Variants in LAMC1 observed in about 807,000 individuals in gnomAD.
LAMC1 encodes the protein laminin subunit gamma-1.
Under a neutral mutation model 173.6 loss-of-function variants are expected in LAMC1, and 38 were observed. The observed-to-expected ratio is 0.22, with a 90% CI of 0.17 to 0.29. LAMC1 has a LOEUF of 0.29. Among genes scored for constraint, LAMC1 ranks in the 10% least tolerant of loss-of-function variants. LAMC1 has a pLI of 1.00. For synonymous variants in LAMC1, 746 were observed against 749.1 expected (o/e 1.00, Z 0.07); for missense variants, 1,824 against 2,051.8 (o/e 0.89, Z 2.14).
chr1:183,124,564 A>G lies in LAMC1; in HGVS notation c.2402-67A>G, dbSNP rs1239422978. 5.7e-6 allele frequency: 9 copies of G among 1,570,056 alleles called. No homozygotes were observed. In the African/African-American group the frequency reaches 6.8e-5, roughly 12 times the overall value. On this transcript the variant is annotated intron_variant, in intron 13 of 27. Transcript: ENST00000258341. ...TGATTACACTAGATTACCTGTAGCC[A>G]GTGGTAATCTAGCACCAAAAATGTC...
chr1:183,114,771 C>T (rs1214218940), intron 5 of LAMC1, 52 bp downstream of exon 5: 3 of 1,545,128 alleles, frequency 1.9e-6, no homozygotes, highest in African/African-American at 1.4e-5. Context: ...CCGTGGACCC[C>T]CGGAAAGGAA....
At chr1:183,073,057 G>A (rs926411423) in intron 1 of LAMC1, among the ~76,000 whole-genome samples, 4 of 152,150 alleles carry the variant, frequency 2.6e-5, no homozygotes, top group East Asian at 1.9e-4. Context: ...TCCTGAAACC[G>A]GTTCCTGGTG....
At chr1:183,135,890 CAA>C (rs34380430) in intron 24 of LAMC1, among the ~76,000 whole-genome samples, 8 of 104,052 alleles carry the variant, frequency 7.7e-5, no homozygotes, top group East Asian at 2.7e-4. Context: ...CCTTGTCTCT[CAA>C]AAAAAAAAAA....
intron 1 of LAMC1, among the ~76,000 whole-genome samples, chr1:183,086,828 C>T (rs552033128): frequency 6.6e-6 from 1 of 152,160 alleles, no homozygotes; most frequent in Non-Finnish European, 1.5e-5. Context: ...TGATGTCCTT[C>T]ATCTTTGCAA....
chr1:183,030,464 A>G (rs774903244), intron 1 of LAMC1, among the ~76,000 whole-genome samples: 13 of 152,242 alleles, frequency 8.5e-5, no homozygotes, highest in Admixed American at 3.9e-4. Flanking sequence ...GAATAAATGA[A>G]TGCCTGAATT....
At chr1:183,100,421 C>T (rs904914737) in intron 1 of LAMC1, among the ~76,000 whole-genome samples, 1 of 152,216 alleles carries the variant, frequency 6.6e-6, no homozygotes. Flanking sequence ...TGCTCTGCTT[C>T]TTGTTTGCCT....
chr1:183,066,577 T>C (rs1219033772), intron 1 of LAMC1, among the ~76,000 whole-genome samples: 1 of 152,202 alleles, frequency 6.6e-6, no homozygotes, highest in Non-Finnish European at 1.5e-5. Context: ...AGTGATAGAC[T>C]GGATAAAGGA....
At chr1:183,120,143 T>G (rs375189360) in intron 11 of LAMC1, among the ~76,000 whole-genome samples, 2 of 130,488 alleles carry the variant, frequency 1.5e-5, no homozygotes. Flanking sequence ...CACACCAGCC[T>G]GAGTTTACAG....
In LAMC1 at chr1:183,023,746, C is replaced by T. The variant is rs1050415474; in HGVS notation, c.30C>T (p.Ala10=). Residue 10 remains alanine, a synonymous_variant, in exon 1 of 28, where the codon GCC becomes GCT. Transcript: ENST00000258341. ...GAGGGAGCCATCGGGCCGCGCCGGC[C>T]CTGCGGCCCCGGGGGCGGCTCTGGC... MRGSHRAAP[A]LRPRGRLWPV... 36 of 1,208,498 alleles carry T rather than the reference C, an allele frequency of 3.0e-5. No individual in the cohort carries two copies. The highest frequency in any genetic ancestry group is 3.6e-5 in the Non-Finnish European group (35 of 964,506). 74.9% of individuals were successfully genotyped at this position (1,208,498 alleles called of 1,614,324 possible).
chr1:183,117,094 T>G (rs1357265378), intron 8 of LAMC1, 191 bp downstream of exon 8: 5 of 714,856 alleles, frequency 7.0e-6, no homozygotes, highest in Non-Finnish European at 1.1e-5. Flanking sequence ...AGAATTTATC[T>G]CAATGAATGG....
At chr1:183,123,272 T>C (rs1656529698) in intron 13 of LAMC1, among the ~76,000 whole-genome samples, 2 of 152,174 alleles carry the variant, frequency 1.3e-5, no homozygotes, top group Admixed American at 1.3e-4. Context: ...ACTTCAACTA[T>C]CACCAACCTG....
intron 1 of LAMC1, among the ~76,000 whole-genome samples, chr1:183,055,454 A>G (rs1049301590): frequency 1.3e-5 from 2 of 150,414 alleles, no homozygotes; most frequent in African/African-American, 2.4e-5. Context: ...AAGTTAGGGT[A>G]AAAATATACC....
chr1:183,097,938 A>C (rs1255891480), intron 1 of LAMC1, among the ~76,000 whole-genome samples: 1 of 152,172 alleles, frequency 6.6e-6, no homozygotes, highest in East Asian at 1.9e-4. Flanking sequence ...ATCCATGGTT[A>C]GTCTTCGTGT....
At chr1:183,060,822 A>G (rs1165494420) in intron 1 of LAMC1, among the ~76,000 whole-genome samples, 1 of 152,230 alleles carries the variant, frequency 6.6e-6, no homozygotes, top group African/African-American at 2.4e-5. Flanking sequence ...TGGATGCAAA[A>G]TCAGTGCTAT....
intron 1 of LAMC1, among the ~76,000 whole-genome samples, chr1:183,039,481 C>T (rs1180527855): frequency 3.9e-5 from 6 of 152,152 alleles, no homozygotes; most frequent in African/African-American, 1.4e-4. Flanking sequence ...TCTTAGAATT[C>T]TACAAATTAT....
At chr1:183,034,965 C>T (rs1653943014) in intron 1 of LAMC1, among the ~76,000 whole-genome samples, 1 of 152,138 alleles carries the variant, frequency 6.6e-6, no homozygotes, top group Admixed American at 6.5e-5. Flanking sequence ...AAATCCAGAC[C>T]TGCTGTGGTA....
chr1:183,097,060 T>TA (rs1655712840), intron 1 of LAMC1, among the ~76,000 whole-genome samples: 2 of 152,188 alleles, frequency 1.3e-5, no homozygotes, highest in Admixed American at 6.5e-5. Context: ...TGGGTCGTCT[T>TA]AATCAGTGAG....
intron 1 of LAMC1, among the ~76,000 whole-genome samples, chr1:183,056,467 C>G (rs757543269): frequency 6.6e-6 from 1 of 152,144 alleles, no homozygotes; most frequent in Non-Finnish European, 1.5e-5. Context: ...CAGTCACGTC[C>G]CACTGTCTTT....
chr1:183,120,189 A>AAAAAAC, intron 11 of LAMC1, among the ~76,000 whole-genome samples: 1 of 151,328 alleles, frequency 6.6e-6, no homozygotes, highest in Non-Finnish European at 1.5e-5. Context: ...AAAAAAAAAA[A>AAAAAAC]AGGTGGCGGG....
Sources: gnomAD v4.1 joint callset for allele counts (sites outside exome capture counted in the v4.1 genomes callset) on GRCh38, gnomAD v4.1.1 for gene constraint, MANE v1.5 for transcripts, NCBI Gene and HGNC (gene_info 2026-07-23, HGNC 2026-07-21) for gene names.